The following SLC28A3 variants were observed in gnomAD, a reference collection of about 807,000 sequenced individuals.
SLC28A3 encodes the protein concentrative Na(+)-nucleoside cotransporter 3.
A neutral mutation model predicts 84.2 loss-of-function variants in SLC28A3; 68 were observed. The ratio of observed to expected loss-of-function variants is 0.81; its 90% confidence interval spans 0.66 to 0.99. The LOEUF is 0.99. Among genes scored for constraint, SLC28A3 ranks in the 50% least tolerant of loss-of-function variants. The probability of loss-of-function intolerance (pLI) is 0.00; values close to 1 mark genes in which losing one functional copy is unlikely to be tolerated. For synonymous variants in SLC28A3, 267 were observed against 303.6 expected (o/e 0.88, Z 1.25); for missense variants, 712 against 841.5 (o/e 0.85, Z 1.90).
intron 6 of SLC28A3, 33 bp downstream of exon 6, chr9:84,299,548 A>G: frequency 6.2e-7 from 1 of 1,612,102 alleles, no homozygotes; most frequent in South Asian, 1.1e-5. Context: ...GAGAAAAAGA[A>G]AAAAGAACCT....
chr9:84,332,006 T>G (rs1047558101), intron 1 of SLC28A3, among the ~76,000 whole-genome samples: 4 of 152,158 alleles, frequency 2.6e-5, no homozygotes, highest in African/African-American at 9.7e-5. Flanking sequence ...AAAGTAAATT[T>G]AAAAAATAAT....
chr9:84,340,513 G>T (rs1827124651), intron 1 of SLC28A3, 61 bp downstream of exon 1: 3 of 1,568,478 alleles, frequency 1.9e-6, no homozygotes, highest in Non-Finnish European at 2.6e-6. Context: ...TTGCCAAGGG[G>T]CTAAGGAAAG....
chr9:84,279,334 T>G lies in SLC28A3; in HGVS notation c.1880A>C (p.Asn627Thr), dbSNP rs1588552968. Residue 627 changes from asparagine to threonine, a missense_variant, in exon 17 of 18, where the codon AAT becomes ACT. Asn to Thr is a moderately conservative substitution (Grantham distance 65). Transcript: ENST00000376238. ...VDINCHHVLE[N>T]AFNSTFPGNT... ...TCCAGGGAAAGTGGAGTTGAAGGCA[T>G]TCTCTAAAACGTGATGGCAGTTGAT... 3.1e-6 allele frequency: 5 copies of G among 1,613,330 alleles called. No homozygotes were observed. The Admixed American group carries it at 5.0e-5, about 16-fold the overall frequency.
chr9:84,352,454 A>AT, the SLC28A3 span, among the ~76,000 whole-genome samples: 1 of 152,036 alleles, frequency 6.6e-6, no homozygotes, highest in African/African-American at 2.4e-5. Flanking sequence ...AAGTGCTGGG[A>AT]TTACAGGCAT....
intron 14 of SLC28A3, among the ~76,000 whole-genome samples, chr9:84,284,093 T>C (rs1824879416): frequency 6.6e-6 from 1 of 152,220 alleles, no homozygotes; most frequent in Admixed American, 6.5e-5. Flanking sequence ...TGCTTCGTGC[T>C]GCCAGAACGC....
rs71498094 is a variant in SLC28A3 at position 84,286,445 on chromosome 9, CTTT to C, written c.1281-337_1281-335del. Among the ~76,000 whole-genome samples the C allele has an allele frequency of 2.4e-4, 21 of 87,662 alleles. No homozygotes were observed. The South Asian group carries it at 6.8e-3, about 28-fold the overall frequency. The allele number at this position is 87,662 out of a possible 152,430, so 57.5% of individuals were successfully genotyped here. ...ATAGCATGTGTGCCACCATGCTTGG[CTTT>C]TTTTTTTTTTTTTTTTTTTTAAGAG... is the stretch of plus-strand genomic sequence containing the variant. On this transcript the variant is annotated intron_variant, in intron 12 of 17. Coordinates refer to ENST00000376238, the MANE Select transcript of SLC28A3 (RefSeq NM_001199633.2).
chr9:84,288,778 C>T (rs1193484231), intron 11 of SLC28A3, among the ~76,000 whole-genome samples: 1 of 151,932 alleles, frequency 6.6e-6, no homozygotes, highest in Non-Finnish European at 1.5e-5. Flanking sequence ...AACTCCCAAC[C>T]TCAGGTGATC....
chr9:84,353,462 C>T, the SLC28A3 span, among the ~76,000 whole-genome samples: 1 of 152,166 alleles, frequency 6.6e-6, no homozygotes, highest in African/African-American at 2.4e-5. Context: ...GTAATCCCAG[C>T]ACTTTAGGAG....
intron 17 of SLC28A3, among the ~76,000 whole-genome samples, chr9:84,278,878 GAA>G (rs34802574): frequency 1.6e-4 from 19 of 120,696 alleles, no homozygotes; most frequent in East Asian, 2.4e-4. Flanking sequence ...TTTGTGGAAT[GAA>G]AAAAAAAAAA....
At chr9:84,301,042 C>G (rs1825608780) in intron 5 of SLC28A3, among the ~76,000 whole-genome samples, 1 of 151,866 alleles carries the variant, frequency 6.6e-6, no homozygotes, top group South Asian at 2.1e-4. Flanking sequence ...ACGACATACC[C>G]ACAACAATTA....
chr9:84,317,871 T>G (rs1315971260), intron 1 of SLC28A3, among the ~76,000 whole-genome samples: 1 of 152,220 alleles, frequency 6.6e-6, no homozygotes, highest in Non-Finnish European at 1.5e-5. Context: ...CCTCTGTATT[T>G]GAAATTAGAC....
the SLC28A3 span, among the ~76,000 whole-genome samples, chr9:84,347,620 A>G: frequency 6.6e-6 from 1 of 152,238 alleles, no homozygotes; most frequent in Non-Finnish European, 1.5e-5. Flanking sequence ...TTGTCAGGAA[A>G]ACAGAGTTTA....
At chr9:84,303,571 C>T (rs1588588100) in intron 4 of SLC28A3, among the ~76,000 whole-genome samples, 1 of 152,154 alleles carries the variant, frequency 6.6e-6, no homozygotes, top group African/African-American at 2.4e-5. Flanking sequence ...CCACCCACCT[C>T]GGCCTCCAAA....
At chr9:84,290,470 T>C (rs908884319) in intron 10 of SLC28A3, among the ~76,000 whole-genome samples, 191 bp from the exon 11 acceptor site, 1 of 152,170 alleles carries the variant, frequency 6.6e-6, no homozygotes, top group Non-Finnish European at 1.5e-5. Context: ...AATTAGAAAC[T>C]CCAAGGGTGG....
chr9:84,305,852 G>A (rs1478402248), intron 3 of SLC28A3, among the ~76,000 whole-genome samples: 2 of 152,186 alleles, frequency 1.3e-5, no homozygotes, highest in African/African-American at 4.8e-5. Flanking sequence ...CTCATGGGGT[G>A]TGCTTAAAAT....
At chr9:84,320,056 T>TGTTTG (rs1826319945) in intron 1 of SLC28A3, among the ~76,000 whole-genome samples, 1 of 128,678 alleles carries the variant, frequency 7.8e-6, no homozygotes, top group African/African-American at 3.0e-5. Flanking sequence ...TTTTTTTTTT[T>TGTTTG]TTTTTTTTTT....
the SLC28A3 span, among the ~76,000 whole-genome samples, chr9:84,359,488 A>C: frequency 3.3e-5 from 5 of 152,328 alleles, no homozygotes; most frequent in African/African-American, 9.6e-5. Flanking sequence ...CATCTGTAAG[A>C]ACTGACACAA....
At position 84,285,518 on chromosome 9, in the gene SLC28A3, G is replaced by T. The variant is rs372729892; in HGVS notation, c.1474C>A (p.Pro492Thr). 6.2e-7 allele frequency: 1 copy of T among 1,614,014 alleles called. No individual in the cohort carries two copies. Among genetic ancestry groups the T allele is most frequent in the African/African-American group, 1.3e-5 (1 of 74,908 alleles). ...TCCACTCCCATCATGAAGGAAAAGG[G>T]CATGAAGATGTAGGAGCAGATTAGC... ...FELICSYIFMPFSFMMGVEWQ... is the reference protein window; with the variant it reads ...FELICSYIFMTFSFMMGVEWQ... The change falls in exon 14 of 18, where the codon CCC becomes ACC. Residue 492 changes from proline (P) to threonine (T), a missense_variant. Physicochemically the swap from Pro to Thr is conservative, Grantham distance 38 (BLOSUM62 -1). Transcript: ENST00000376238.
chr9:84,310,045 A>C (rs1825939579), intron 2 of SLC28A3, among the ~76,000 whole-genome samples: 3 of 152,152 alleles, frequency 2.0e-5, no homozygotes, highest in African/African-American at 7.2e-5. Flanking sequence ...TTTTCAGCCA[A>C]GTACTAAATG....
Sources: allele counts gnomAD v4.1 joint callset (sites outside exome capture counted in the v4.1 genomes callset), GRCh38; gene constraint gnomAD v4.1.1; transcripts MANE v1.5; gene names NCBI Gene and HGNC (gene_info 2026-07-23, HGNC 2026-07-21).